The following L3MBTL4 variants were observed in gnomAD, a reference collection of about 807,000 sequenced individuals.
L3MBTL4 encodes the protein L3MBTL histone methyl-lysine binding protein 4.
In L3MBTL4, 70 loss-of-function variants were observed where a neutral mutation model predicts 84.5. The ratio of observed to expected loss-of-function variants is 0.83; its 90% CI spans 0.68 to 1.01. The LOEUF (loss-of-function observed/expected upper bound fraction) is 1.01. Among genes scored for constraint, L3MBTL4 ranks in the 50% least tolerant of loss-of-function variants. The probability of loss-of-function intolerance (pLI) is 0.00; values close to 1 mark genes in which losing one functional copy is unlikely to be tolerated. For synonymous variants in L3MBTL4, 274 were observed against 259.8 expected (o/e 1.05, Z -0.52); for missense variants, 715 against 754.8 (o/e 0.95, Z 0.62).
Position 6,247,430 on chromosome 18 carries a change from A to G in L3MBTL4, c.220-2842T>C, listed in dbSNP as rs4798438. 4.1e-3 allele frequency among the ~76,000 whole-genome samples: 581 copies of G among 140,708 alleles called. 16 individuals are homozygous for G. The highest frequency in any genetic ancestry group is 0.035 in the Admixed American group (494 of 14,136). The allele number at this position is 140,708 out of a possible 152,430, so 92.3% of individuals were successfully genotyped here. A position where few individuals can be genotyped will look rare whatever the true frequency, so the allele number is the denominator to read the frequency against. ...TGTGTCATTGTCTTGTATAGCACTGACATGTTTTTAAGAATGCAGACTTCC... is the reference window on the plus strand; with the variant it reads ...TGTGTCATTGTCTTGTATAGCACTGGCATGTTTTTAAGAATGCAGACTTCC... On this transcript the variant is annotated intron_variant, in intron 5 of 18. Transcript: ENST00000317931.
At chr18:6,071,749 GA>G (rs1568066435) in intron 16 of L3MBTL4, among the ~76,000 whole-genome samples, 5 of 60,262 alleles carry the variant, frequency 8.3e-5, no homozygotes, top group Non-Finnish European at 1.5e-4. Flanking sequence ...AGGAAGGAAA[GA>G]AAGAAAGAAA....
intron 14 of L3MBTL4, among the ~76,000 whole-genome samples, chr18:6,134,730 C>T (rs2059980340): frequency 6.6e-6 from 1 of 152,200 alleles, no homozygotes. Context: ...GGCAGCTCCA[C>T]CCCTGTGGCT....
intron 4 of L3MBTL4, among the ~76,000 whole-genome samples, chr18:6,270,028 A>C (rs1433159170): frequency 6.6e-6 from 1 of 152,194 alleles, no homozygotes; most frequent in East Asian, 1.9e-4. Context: ...TTTCCATTTC[A>C]TTTCAAAAGT....
At chr18:6,099,327 AT>A (rs897105864) in intron 14 of L3MBTL4, among the ~76,000 whole-genome samples, 1 of 151,992 alleles carries the variant, frequency 6.6e-6, no homozygotes, top group Non-Finnish European at 1.5e-5. Context: ...GACATAATAA[AT>A]ACCAAAATGC....
At chr18:6,144,088 G>C (rs1027042405) in intron 13 of L3MBTL4, among the ~76,000 whole-genome samples, 19 of 151,484 alleles carry the variant, frequency 1.3e-4, no homozygotes, top group African/African-American at 3.9e-4. Context: ...CCCAGCTACT[G>C]GAGAGGCTGA....
chr18:5,972,962 TAG>T (rs1598326824), intron 16 of L3MBTL4, among the ~76,000 whole-genome samples: 2 of 111,028 alleles, frequency 1.8e-5, no homozygotes. Context: ...TAGAATAGAA[TAG>T]AATAGAATAG....
At chr18:6,355,552 C>T (rs984245141) in intron 1 of L3MBTL4, among the ~76,000 whole-genome samples, 3 of 151,920 alleles carry the variant, frequency 2.0e-5, no homozygotes, top group African/African-American at 4.8e-5. Flanking sequence ...TGTCAAGATG[C>T]TTATCAATGT....
intron 16 of L3MBTL4, among the ~76,000 whole-genome samples, chr18:6,022,684 T>C (rs961652513): frequency 2.6e-5 from 4 of 152,250 alleles, no homozygotes; most frequent in Non-Finnish European, 5.9e-5. Flanking sequence ...TTTAATTTGT[T>C]GTTGATTTGA....
rs528098010 is a variant in L3MBTL4, at chr18:6,247,985, T to C, written c.220-3397A>G. On this transcript the variant is annotated intron_variant, in intron 5 of 18. Coordinates refer to ENST00000317931, the MANE Select transcript of L3MBTL4 (RefSeq NM_001330559.2). Reference sequence around the variant, plus strand: ...TCATTCAATCACAGTGTTGTCCAATTTCTTCACTAGTTACATACAAAATGC... The same window carrying C: ...TCATTCAATCACAGTGTTGTCCAATCTCTTCACTAGTTACATACAAAATGC... 2.6e-5 allele frequency among the ~76,000 whole-genome samples: 4 copies of C among 152,210 alleles called. No homozygotes were observed. In the East Asian group the frequency reaches 7.7e-4, roughly 29 times the overall value.
At chr18:6,263,195 G>A (rs1336057056) in intron 5 of L3MBTL4, among the ~76,000 whole-genome samples, 1 of 151,612 alleles carries the variant, frequency 6.6e-6, no homozygotes, top group Non-Finnish European at 1.5e-5. Flanking sequence ...CTTGAACCAG[G>A]GAGTTGGAGG....
intron 2 of L3MBTL4, 124 bp downstream of exon 2, chr18:6,311,874 T>C (rs2050851999): frequency 2.7e-6 from 1 of 364,276 alleles, no homozygotes; most frequent in Non-Finnish European, 5.1e-6. Context: ...CTAGAATTTA[T>C]ATCATGGGGA....
intron 10 of L3MBTL4, among the ~76,000 whole-genome samples, chr18:6,234,066 A>G (rs968503788): frequency 3.3e-5 from 5 of 152,190 alleles, no homozygotes; most frequent in Non-Finnish European, 7.4e-5. Flanking sequence ...AGAAATGGGG[A>G]AAGGATTCCC....
At chr18:5,995,761 T>A (rs1388078672) in intron 16 of L3MBTL4, among the ~76,000 whole-genome samples, 2 of 152,168 alleles carry the variant, frequency 1.3e-5, no homozygotes, top group African/African-American at 4.8e-5. Context: ...AGAGCATGGC[T>A]GGCAGGAAGG....
intron 1 of L3MBTL4, among the ~76,000 whole-genome samples, chr18:6,330,188 G>A (rs1322110839): frequency 6.6e-6 from 1 of 152,204 alleles, no homozygotes; most frequent in African/African-American, 2.4e-5. Context: ...GCCTAGGAGT[G>A]GAACTCTCAT....
intron 5 of L3MBTL4, among the ~76,000 whole-genome samples, chr18:6,245,797 G>C (rs1485137456): frequency 1.3e-5 from 2 of 152,098 alleles, no homozygotes; most frequent in Non-Finnish European, 2.9e-5. Context: ...CACCATGTAG[G>C]CCAGGCTGGT....
chr18:6,161,260 G>A (rs1362990961), intron 13 of L3MBTL4, among the ~76,000 whole-genome samples: 1 of 152,154 alleles, frequency 6.6e-6, no homozygotes, highest in Non-Finnish European at 1.5e-5. Flanking sequence ...AGGGTACCAG[G>A]GTGAATTGCA....
At chr18:6,043,374 T>A (rs776095853) in intron 16 of L3MBTL4, among the ~76,000 whole-genome samples, 5 of 152,184 alleles carry the variant, frequency 3.3e-5, no homozygotes, top group Non-Finnish European at 7.3e-5. Flanking sequence ...ACAGGCAGTA[T>A]TCCAGGCCTG....
rs2047381334 is a variant in L3MBTL4 at position 6,239,859 on chromosome 18, G to A, written c.566C>T (p.Ser189Phe). 6.2e-7 allele frequency: 1 copy of A among 1,614,080 alleles called. No individual in the cohort carries two copies. Among genetic ancestry groups the A allele is most frequent in the Non-Finnish European group, 8.5e-7 (1 of 1,180,018 alleles). Reference protein sequence around the residue: ...FRNRSPNGPMSKEFQVGMKLE... With the variant: ...FRNRSPNGPMFKEFQVGMKLE... ...CTTCATTCCAACCTGAAATTCTTTA[G>A]ACATTGGCCCATTCTAACGCAGCAC... Residue 189 changes from serine (S) to phenylalanine (F), a missense_variant, in exon 9 of 19, where the codon TCT (serine) becomes TTT (phenylalanine). Coordinates refer to ENST00000317931, the MANE Select transcript of L3MBTL4 (RefSeq NM_001330559.2).
intron 2 of L3MBTL4, 102 bp from the exon 3 acceptor site, chr18:6,311,758 G>T: frequency 1.4e-6 from 1 of 696,008 alleles, no homozygotes; most frequent in South Asian, 1.7e-5. Context: ...TCTCATAGTT[G>T]GTTACTATAA....
Sources: allele counts gnomAD v4.1 joint callset (sites outside exome capture counted in the v4.1 genomes callset), GRCh38; gene constraint gnomAD v4.1.1; transcripts MANE v1.5; gene names NCBI Gene and HGNC (gene_info 2026-07-23, HGNC 2026-07-21).